Variants in ROBO1 observed in about 807,000 individuals in gnomAD.
The protein encoded by ROBO1 is roundabout guidance receptor 1.
A neutral mutation model predicts 195.9 loss-of-function variants in ROBO1; 149 were observed. The observed-to-expected ratio is 0.76, with a 90% CI of 0.67 to 0.87. ROBO1 has a LOEUF of 0.87. ROBO1 is among the 40% of genes least tolerant of loss of function. The probability of loss-of-function intolerance (pLI) is 0.00; values close to 1 mark genes in which losing one functional copy is unlikely to be tolerated. For synonymous variants in ROBO1, 816 were observed against 733.2 expected (o/e 1.11, Z -1.82); for missense variants, 1,933 against 2,068.3 (o/e 0.93, Z 1.27).
chr3:79,288,056 C>G (rs2032001123), intron 2 of ROBO1, among the ~76,000 whole-genome samples: 1 of 152,098 alleles, frequency 6.6e-6, no homozygotes, highest in Non-Finnish European at 1.5e-5. Context: ...CTCTCTATGA[C>G]AAACTAAAAT....
At chr3:78,822,402 A>G (rs1018383694) in intron 4 of ROBO1, among the ~76,000 whole-genome samples, 6 of 152,242 alleles carry the variant, frequency 3.9e-5, no homozygotes, top group East Asian at 1.9e-4. Flanking sequence ...CCAATATTCT[A>G]TAAGCACCTG....
At chr3:79,617,863 C>A (rs1398196289) in intron 1 of ROBO1, among the ~76,000 whole-genome samples, 1 of 97,614 alleles carries the variant, frequency 1.0e-5, no homozygotes, top group African/African-American at 3.9e-5. Context: ...AGAACCAACA[C>A]AAAGAAATCA....
At chr3:78,924,473 T>C (rs1217691306) in intron 4 of ROBO1, among the ~76,000 whole-genome samples, 2 of 152,068 alleles carry the variant, frequency 1.3e-5, no homozygotes, top group Admixed American at 1.3e-4. Flanking sequence ...CATGAATAAA[T>C]CATATGTTTC....
intron 14 of ROBO1, among the ~76,000 whole-genome samples, chr3:78,664,088 A>T (rs767311788): frequency 2.6e-5 from 4 of 152,186 alleles, no homozygotes; most frequent in Non-Finnish European, 5.9e-5. Flanking sequence ...AGAAATGTTC[A>T]CAGCAGAGAG....
intron 4 of ROBO1, among the ~76,000 whole-genome samples, chr3:78,884,071 A>G (rs1267967233): frequency 2.0e-5 from 3 of 152,196 alleles, no homozygotes; most frequent in African/African-American, 7.2e-5. Context: ...GTGAGCTCAT[A>G]AGGGACTTTT....
chr3:79,259,001 C>T (rs917183455), intron 2 of ROBO1, among the ~76,000 whole-genome samples: 1 of 151,980 alleles, frequency 6.6e-6, no homozygotes, highest in Non-Finnish European at 1.5e-5. Context: ...GAGAAAACAC[C>T]ACATATATAA....
chr3:78,647,663 A>T lies in ROBO1; in HGVS notation c.2813-8T>A, dbSNP rs759784105. ...TGAAGGTAAAAGACGGGACTGAAAA[A>T]TCAAAACAAAATATAAACCAGTTAT... is the stretch of plus-strand genomic sequence containing the variant. On this transcript the variant is annotated splice_region_variant and splice_polypyrimidine_tract_variant and intron_variant, in intron 19 of 30. Transcript: ENST00000464233. 2 of 1,609,994 alleles carry T rather than the reference A, an allele frequency of 1.2e-6. No homozygotes were observed.
At chr3:79,690,138 T>TC (rs1261450762) in intron 1 of ROBO1, among the ~76,000 whole-genome samples, 10 of 151,728 alleles carry the variant, frequency 6.6e-5, no homozygotes, top group African/African-American at 1.5e-4. Flanking sequence ...AATGCACCGC[T>TC]CCCCCCACCC....
intron 2 of ROBO1, among the ~76,000 whole-genome samples, chr3:79,457,204 A>T (rs886730222): frequency 6.6e-6 from 1 of 152,214 alleles, no homozygotes; most frequent in African/African-American, 2.4e-5. Context: ...CATTAGTACA[A>T]ACAAACAAAA....
At chr3:78,998,391 G>A (rs1054820725) in intron 3 of ROBO1, among the ~76,000 whole-genome samples, 2 of 152,066 alleles carry the variant, frequency 1.3e-5, no homozygotes, top group Admixed American at 6.6e-5. Flanking sequence ...AGCCTCTATA[G>A]AGAAACTTGC....
intron 15 of ROBO1, 89 bp from the exon 16 acceptor site, chr3:78,661,350 AAAATTCTG>A: frequency 1.2e-6 from 1 of 801,354 alleles, no homozygotes; most frequent in Non-Finnish European, 1.8e-6. Flanking sequence ...TAAAATGCAC[AAAATTCTG>A]TCTGGCTTCA....
intron 1 of ROBO1, among the ~76,000 whole-genome samples, chr3:79,702,866 T>C (rs1947657921): frequency 6.6e-6 from 1 of 151,970 alleles, no homozygotes; most frequent in Non-Finnish European, 1.5e-5. Flanking sequence ...TTGTGGATCT[T>C]GTACATCTGA....
At chr3:79,495,692 T>G (rs1939691591) in intron 2 of ROBO1, among the ~76,000 whole-genome samples, 1 of 152,338 alleles carries the variant, frequency 6.6e-6, no homozygotes, top group East Asian at 1.9e-4. Context: ...TTTCCAAAAC[T>G]TCTTCATAAT....
intron 14 of ROBO1, 100 bp downstream of exon 14, chr3:78,667,783 T>C: frequency 1.6e-6 from 2 of 1,226,934 alleles, no homozygotes; most frequent in Non-Finnish European, 2.3e-6. Flanking sequence ...CAACACACTG[T>C]AAATGTACAA....
intron 2 of ROBO1, among the ~76,000 whole-genome samples, chr3:79,287,150 T>G (rs2031937545): frequency 6.6e-6 from 1 of 152,186 alleles, no homozygotes; most frequent in Non-Finnish European, 1.5e-5. Context: ...AGAGGGTTCG[T>G]AATAGACTAG....
At chr3:78,647,133 T>C (rs1183764040) in intron 20 of ROBO1, among the ~76,000 whole-genome samples, 1 of 151,976 alleles carries the variant, frequency 6.6e-6, no homozygotes, top group Non-Finnish European at 1.5e-5. Context: ...TTGAAAGAAA[T>C]TGGATAGAAC....
intron 2 of ROBO1, among the ~76,000 whole-genome samples, chr3:79,524,105 A>T (rs1477135585): frequency 6.6e-6 from 1 of 152,130 alleles, no homozygotes. Flanking sequence ...GTTTGGGACC[A>T]GCATAAAGAG....
chr3:78,804,222 CT>C (rs2084460241), intron 4 of ROBO1, among the ~76,000 whole-genome samples: 1 of 152,114 alleles, frequency 6.6e-6, no homozygotes, highest in African/African-American at 2.4e-5. Flanking sequence ...AGACTTGTGT[CT>C]GTTTATCTTT....
intron 1 of ROBO1, among the ~76,000 whole-genome samples, chr3:79,708,384 T>A (rs1411028435): frequency 6.6e-6 from 1 of 152,202 alleles, no homozygotes; most frequent in Non-Finnish European, 1.5e-5. Flanking sequence ...CATCTTTGAA[T>A]CTTTATTTTC....
Sources: gnomAD v4.1 joint callset for allele counts (sites outside exome capture counted in the v4.1 genomes callset) on GRCh38, gnomAD v4.1.1 for gene constraint, MANE v1.5 for transcripts, NCBI Gene and HGNC (gene_info 2026-07-23, HGNC 2026-07-21) for gene names.